The following FAM83A variants were observed in gnomAD, a reference collection of about 807,000 sequenced individuals.
FAM83A encodes the protein scaffolding CK1 anchoring protein A, also known as protein FAM83A.
In FAM83A, 21 loss-of-function variants were observed where a neutral mutation model predicts 24.4. The ratio of observed to expected loss-of-function variants is 0.86; its 90% CI spans 0.61 to 1.24. FAM83A has a LOEUF of 1.24. Among genes scored for constraint, FAM83A ranks in the 50% most tolerant of loss-of-function variants. The pLI, the probability that FAM83A is intolerant of heterozygous loss-of-function variation, is 0.00. For synonymous variants in FAM83A, 270 were observed against 252.4 expected (o/e 1.07, Z -0.66); for missense variants, 617 against 579.8 (o/e 1.06, Z -0.66).
intron 1 of FAM83A, among the ~76,000 whole-genome samples, chr8:123,184,371 G>A: frequency 6.6e-6 from 1 of 152,086 alleles, no homozygotes; most frequent in East Asian, 1.9e-4. Context: ...ACTCTGCTAA[G>A]ACCTGTCTGC....
chr8:123,182,299 C>T (rs1435279845), upstream of FAM83A: 8 of 362,130 alleles, frequency 2.2e-5, no homozygotes, highest in Admixed American at 2.8e-4. Flanking sequence ...CCAGCTCCCT[C>T]CTCACACAGA....
intron 3 of FAM83A, among the ~76,000 whole-genome samples, chr8:123,194,864 G>A (rs1259121459): frequency 6.6e-6 from 1 of 152,196 alleles, no homozygotes; most frequent in African/African-American, 2.4e-5. Context: ...TTACAGGCAT[G>A]AGCCCCTGCG....
upstream of FAM83A, chr8:123,182,617 G>A (rs902578660): frequency 4.2e-6 from 3 of 706,508 alleles, no homozygotes; most frequent in Admixed American, 2.0e-5. Context: ...CGGCCCGAGG[G>A]CAGGGCAGGT....
intron 1 of FAM83A, among the ~76,000 whole-genome samples, chr8:123,188,205 G>T (rs1225464954): frequency 6.6e-6 from 1 of 151,546 alleles, no homozygotes; most frequent in Admixed American, 6.6e-5. Flanking sequence ...GTTCATGGCC[G>T]CATCGCTCCA....
At chr8:123,204,292 T>A (rs929265578) in intron 3 of FAM83A, among the ~76,000 whole-genome samples, 1 of 152,162 alleles carries the variant, frequency 6.6e-6, no homozygotes, top group Non-Finnish European at 1.5e-5. Flanking sequence ...TTAAAAAAGA[T>A]GTGACCTTTT....
upstream of FAM83A, chr8:123,180,588 C>A (rs147949122): frequency 2.2e-4 from 33 of 152,494 alleles, no homozygotes; most frequent in African/African-American, 7.2e-4. Flanking sequence ...GCCCTGCCCC[C>A]GGTCTATCTC....
upstream of FAM83A, chr8:123,182,347 C>G (rs564675827): frequency 2.0e-5 from 7 of 355,694 alleles, no homozygotes; most frequent in African/African-American, 4.3e-5. Context: ...CTTTCCCCCC[C>G]ACAGGGAAAT....
rs541258319 is a variant in FAM83A, at chr8:123,209,338, AT to A, written c.*1651del. 5.6e-4 allele frequency: 805 copies of A among 1,448,628 alleles called. 4 individuals are homozygous for A. In the African/African-American group the frequency reaches 0.011, roughly 19 times the overall value. The allele number at this position is 1,448,628 out of a possible 1,614,324, so 89.7% of individuals were successfully genotyped here. A position where few individuals can be genotyped will look rare whatever the true frequency, so the allele number is the denominator to read the frequency against. On this transcript the variant is annotated 3_prime_UTR_variant, in exon 4 of 4. Coordinates refer to ENST00000690554, the Ensembl canonical transcript of FAM83A. This position sits in a 1 kb window ranked among gnomAD's most constrained non-coding sequence, Gnocchi z 4.7. Reference sequence around the variant, plus strand: ...CCAATTCTCCACTGCTCCCAGCATGATCTGGGGCATCTTGGCTTCTGGTTTC... The same window carrying A: ...CCAATTCTCCACTGCTCCCAGCATGACTGGGGCATCTTGGCTTCTGGTTTC...
intron 1 of FAM83A, 78 bp from the exon 2 acceptor site, chr8:123,191,725 G>A: frequency 6.6e-7 from 1 of 1,509,310 alleles, no homozygotes; most frequent in East Asian, 2.3e-5. Context: ...GGCCCACTGG[G>A]ACTCAGGCAG....
upstream of FAM83A, chr8:123,182,621 G>T: frequency 1.4e-6 from 1 of 715,610 alleles, no homozygotes; most frequent in South Asian, 1.5e-5. Context: ...CCGAGGGCAG[G>T]GCAGGTGGCC....
chr8:123,206,326 C>T (rs944184151), intron 3 of FAM83A, among the ~76,000 whole-genome samples: 1 of 152,110 alleles, frequency 6.6e-6, no homozygotes, highest in Non-Finnish European at 1.5e-5. Context: ...TCAGCGTCAA[C>T]GGGAGGCGCA....
In FAM83A at chr8:123,183,735, G is replaced by A. The variant is rs555755801; in HGVS notation, c.480+399G>A. ...AGAGTCTTGCTCTTCTTGCTCTGTT[G>A]CCCAAGCTGGAGTGTAGTGGCACTA... On this transcript the variant is annotated intron_variant, in intron 1 of 3. Coordinates refer to ENST00000690554, the Ensembl canonical transcript of FAM83A. Among the ~76,000 whole-genome samples the A allele has an allele frequency of 1.3e-4, 17 of 133,742 alleles. 1 individual carries two copies. The highest frequency in any genetic ancestry group is 8.5e-4 in the East Asian group (4 of 4,716). 87.7% of individuals were successfully genotyped at this position (133,742 alleles called of 152,430 possible).
intron 3 of FAM83A, among the ~76,000 whole-genome samples, chr8:123,196,953 T>C (rs1397596659): frequency 2.6e-5 from 4 of 152,160 alleles, no homozygotes; most frequent in African/African-American, 9.7e-5. Flanking sequence ...TTGTATAAGT[T>C]AAATCTGACC....
At chr8:123,184,398 G>A (rs531491013) in intron 1 of FAM83A, among the ~76,000 whole-genome samples, 1 of 152,226 alleles carries the variant, frequency 6.6e-6, no homozygotes, top group African/African-American at 2.4e-5. Context: ...ATGACCTTGT[G>A]GCTCTTGAAT....
At chr8:123,195,389 A>G (rs1824115176) in intron 3 of FAM83A, among the ~76,000 whole-genome samples, 1 of 152,212 alleles carries the variant, frequency 6.6e-6, no homozygotes, top group African/African-American at 2.4e-5. Flanking sequence ...ATGAGCATAA[A>G]GGGAAAGAGA....
At chr8:123,200,982 T>C (rs1824336177) in intron 3 of FAM83A, among the ~76,000 whole-genome samples, 1 of 147,494 alleles carries the variant, frequency 6.8e-6, no homozygotes, top group African/African-American at 2.5e-5. Context: ...TATATATATA[T>C]ATACACATAT....
chr8:123,206,376 C>T (rs781325546), intron 3 of FAM83A, among the ~76,000 whole-genome samples: 6 of 152,100 alleles, frequency 3.9e-5, no homozygotes, highest in Non-Finnish European at 7.4e-5. Flanking sequence ...GGTCCCTGTG[C>T]CTGAAAATGG....
chr8:123,183,359 C>A, intron 1 of FAM83A, 23 bp downstream of exon 1: 1 of 1,594,680 alleles, frequency 6.3e-7, no homozygotes, highest in South Asian at 1.1e-5. Flanking sequence ...AAGCCCCTGT[C>A]TCCGTGGCCA....
At chr8:123,207,324 C>T (rs948211098) in exon 4 of FAM83A, 2 of 1,611,406 alleles carry the variant, frequency 1.2e-6, no homozygotes, top group African/African-American at 1.3e-5. Context: ...GGAGCAGCCC[C>T]GGCCAATGGC....
Sources: gnomAD v4.1 joint callset for allele counts (sites outside exome capture counted in the v4.1 genomes callset) on GRCh38, gnomAD v4.1.1 for gene constraint, Gnocchi (gnomAD v3.1) non-coding constraint, MANE v1.5 for transcripts, NCBI Gene and HGNC (gene_info 2026-07-23, HGNC 2026-07-21) for gene names.